Variants in LRRC14 observed in about 807,000 individuals in gnomAD.
LRRC14 encodes leucine rich repeat containing 14.
A neutral mutation model predicts 25.3 loss-of-function variants in LRRC14; 16 were observed. The observed-to-expected ratio is 0.63, with a 90% CI of 0.43 to 0.96. The LOEUF is 0.96. Ranked by LOEUF, LRRC14 falls within the 40% of genes least tolerant of loss-of-function variation. The pLI is 0.00. For synonymous variants in LRRC14, 359 were observed against 295.1 expected (o/e 1.22, Z -2.22); for missense variants, 594 against 660.5 (o/e 0.90, Z 1.10).
rs749750927 is a variant in LRRC14 at position 144,522,816 on chromosome 8, C to T, written c.*1338C>T. On this transcript the variant is annotated 3_prime_UTR_variant, in exon 4 of 4. Transcript: ENST00000292524. Reference sequence around the variant, plus strand: ...GCCGCAATGGCCGTCTGTGTGGCCACGCCCAGGGCGCGGAAGGCCATGCTG... The same window carrying T: ...GCCGCAATGGCCGTCTGTGTGGCCATGCCCAGGGCGCGGAAGGCCATGCTG... The T allele has an allele frequency of 3.6e-5, 53 of 1,492,932 alleles. No individual in the cohort carries two copies. In the South Asian group the frequency reaches 6.3e-4, roughly 18 times the overall value. 92.5% of individuals were successfully genotyped at this position (1,492,932 alleles called of 1,614,324 possible). A position where few individuals can be genotyped will look rare whatever the true frequency, so the allele number is the denominator to read the frequency against.
rs1816293633 is a variant in LRRC14, at chr8:144,524,738, G to A, written c.*3260G>A. 1.4e-6 allele frequency: 2 copies of A among 1,441,584 alleles called. No individual in the cohort carries two copies. The highest frequency in any genetic ancestry group is 5.2e-5 in the East Asian group (2 of 38,380). 89.3% of individuals were successfully genotyped at this position (1,441,584 alleles called of 1,614,324 possible). The stretch of plus-strand genomic sequence containing the variant: ...ACAGTGTCTGCAGGCCGGGGAAAGA[G>A]GAGGCGCTTACCCCGTTGCGGGGGT... On this transcript the variant is annotated 3_prime_UTR_variant, in exon 4 of 4. Transcript: ENST00000292524.
Position 144,522,600 on chromosome 8 carries a change from TGAC to T in LRRC14, c.*1125_*1127del. ...GCGAAGAGCGGCTTGGAGCGGTTGA[TGAC>T]GAACATCTCGTGGCCGCGCTCGTCG... On this transcript the variant is annotated 3_prime_UTR_variant, in exon 4 of 4. Coordinates refer to ENST00000292524, the MANE Select transcript of LRRC14 (RefSeq NM_014665.4). The T allele has an allele frequency of 1.3e-6, 2 of 1,568,184 alleles. No homozygotes were observed. The highest frequency in any genetic ancestry group is 1.7e-6 in the Non-Finnish European group (2 of 1,159,836).
At position 144,523,104 on chromosome 8, in the gene LRRC14, G is replaced by T; in HGVS notation, c.*1626G>T. 6.2e-7 allele frequency: 1 copy of T among 1,609,152 alleles called. No homozygotes were observed. Among genetic ancestry groups the T allele is most frequent in the Non-Finnish European group, 8.5e-7 (1 of 1,179,508 alleles). ...CCGCCTTCTAGCTGGGCCTGGGCTC[G>T]CGGCCGGCCCTCGCGAGGCTGGGGC... On this transcript the variant is annotated 3_prime_UTR_variant, in exon 4 of 4. Transcript: ENST00000292524.
Position 144,524,549 on chromosome 8 carries a change from C to G in LRRC14, c.*3071C>G. 1 of 1,579,834 alleles carries G rather than the reference C, an allele frequency of 6.3e-7. No homozygotes were observed. Among genetic ancestry groups the G allele is most frequent in the Non-Finnish European group, 8.5e-7 (1 of 1,171,286 alleles). On this transcript the variant is annotated 3_prime_UTR_variant, in exon 4 of 4. Coordinates refer to ENST00000292524, the MANE Select transcript of LRRC14 (RefSeq NM_014665.4). ...CGAAGGCGCCGCTGCGCAAGCCGCG[C>G]AGCCGGTTGCTAGTGAGCGCCAGCT... is the stretch of plus-strand genomic sequence containing the variant.
Position 144,524,633 on chromosome 8 carries a change from G to A in LRRC14, c.*3155G>A, listed in dbSNP as rs926639009. 1 of 1,521,152 alleles carries A rather than the reference G, an allele frequency of 6.6e-7. No individual in the cohort carries two copies. Among genetic ancestry groups the A allele is most frequent in the Non-Finnish European group, 8.8e-7 (1 of 1,142,560 alleles). 94.2% of individuals were successfully genotyped at this position (1,521,152 alleles called of 1,614,324 possible). On this transcript the variant is annotated 3_prime_UTR_variant, in exon 4 of 4. Coordinates refer to ENST00000292524, the MANE Select transcript of LRRC14 (RefSeq NM_014665.4). Reference sequence around the variant, plus strand: ...CCTCCAGGGCGCGCAGGCTGTTGTTGTGCAGGTAGAGCCGGCGCAGAGCGG... The same window carrying A: ...CCTCCAGGGCGCGCAGGCTGTTGTTATGCAGGTAGAGCCGGCGCAGAGCGG...
In LRRC14 at chr8:144,520,928, T is replaced by G. The variant is rs1415089268; in HGVS notation, c.932T>G (p.Leu311Arg). 2 of 1,611,468 alleles carry G rather than the reference T, an allele frequency of 1.2e-6. No homozygotes were observed. The highest frequency in any genetic ancestry group is 1.7e-6 in the Non-Finnish European group (2 of 1,179,798). The change falls in exon 4 of 4, where the codon CTG (leucine) becomes CGG (arginine). Residue 311 changes from leucine to arginine, a missense_variant. Physicochemically the swap from Leu to Arg is moderately radical, Grantham distance 102. Coordinates refer to ENST00000292524, the MANE Select transcript of LRRC14 (RefSeq NM_014665.4). ...DQLLSTLQSP[L>R]ESLELAFCAL... ...CCCTGTAGCACCCTGCAGAGCCCCC[T>G]GGAGAGCCTGGAGTTGGCCTTCTGT...
rs1363872855 is a variant in LRRC14, at chr8:144,524,773, C to T, written c.*3295C>T. The T allele has an allele frequency of 9.1e-6, 13 of 1,435,772 alleles. No homozygotes were observed. The highest frequency in any genetic ancestry group is 2.8e-5 in the Admixed American group (1 of 35,706). 88.9% of individuals were successfully genotyped at this position (1,435,772 alleles called of 1,614,324 possible). ...ACCCCGTTGCGGGGGTCTTCCTCTC[C>T]CTGGGGGCACCCCGTCCTCCCGCAG... On this transcript the variant is annotated 3_prime_UTR_variant, in exon 4 of 4. Transcript: ENST00000292524.
In LRRC14 at chr8:144,524,420, C is replaced by T. The variant is rs371184558; in HGVS notation, c.*2942C>T. 3.1e-6 allele frequency: 5 copies of T among 1,597,130 alleles called. No homozygotes were observed. The highest frequency in any genetic ancestry group is 3.4e-6 in the Non-Finnish European group (4 of 1,179,500). ...GGGGCCATAATGGAGTATCCCGCCC[C>T]TTTAGACCCCAGGCGCTCACCGGCA... On this transcript the variant is annotated 3_prime_UTR_variant, in exon 4 of 4. Coordinates refer to ENST00000292524, the MANE Select transcript of LRRC14 (RefSeq NM_014665.4).
Position 144,521,155 on chromosome 8 carries a change from C to T in LRRC14, c.1159C>T (p.Pro387Ser). 1 of 1,613,166 alleles carries T rather than the reference C, an allele frequency of 6.2e-7. No individual in the cohort carries two copies. Among genetic ancestry groups the T allele is most frequent in the East Asian group, 2.2e-5 (1 of 44,894 alleles). ...AGACACCCAGCTGTTGGCCACACTACCCATCCTGACTCAGTGCGCCAGTCT... is the reference window on the plus strand; with the variant it reads ...AGACACCCAGCTGTTGGCCACACTATCCATCCTGACTCAGTGCGCCAGTCT... The part of the protein sequence containing the change: ...LADTQLLATL[P>S]ILTQCASLRY... The change falls in exon 4 of 4, where the codon CCC becomes TCC. Residue 387 changes from proline to serine, a missense_variant. Physicochemically the swap from Pro to Ser is moderately conservative, Grantham distance 74. Coordinates refer to ENST00000292524, the MANE Select transcript of LRRC14 (RefSeq NM_014665.4).
rs148546122 is a variant in LRRC14, at chr8:144,523,047, C to T, written c.*1569C>T. On this transcript the variant is annotated 3_prime_UTR_variant, in exon 4 of 4. Transcript: ENST00000292524. Reference sequence around the variant, plus strand: ...AGGAAGAGCATGCCGCTGCCCGTGTCGGATGCCGAGTGTCCGCCCAGGCCC... The same window carrying T: ...AGGAAGAGCATGCCGCTGCCCGTGTTGGATGCCGAGTGTCCGCCCAGGCCC... The T allele has an allele frequency of 6.9e-6, 11 of 1,602,886 alleles. No individual in the cohort carries two copies. Among genetic ancestry groups the T allele is most frequent in the Non-Finnish European group, 3.4e-6 (4 of 1,176,548 alleles).
At position 144,520,290 on chromosome 8, in the gene LRRC14, G is replaced by A; in HGVS notation, c.382G>A (p.Glu128Lys). 1.2e-6 allele frequency: 2 copies of A among 1,611,920 alleles called. No homozygotes were observed. Among genetic ancestry groups the A allele is most frequent in the Non-Finnish European group, 1.7e-6 (2 of 1,179,982 alleles). ...GACGGGCCTCTTGGATGATGGTGTGGAACAGGATCCTGGCACCATGAGCAT... is the reference window on the plus strand; with the variant it reads ...GACGGGCCTCTTGGATGATGGTGTGAAACAGGATCCTGGCACCATGAGCAT... ...DMTGLLDDGV[E>K]QDPGTMSMWD... is the part of the protein sequence containing the mutation. The change falls in exon 3 of 4, where the codon GAA (glutamate) becomes AAA (lysine). Residue 128 changes from glutamate (E) to lysine (K), a missense_variant. Glu to Lys is a moderately conservative substitution (Grantham distance 56). Coordinates refer to ENST00000292524, the MANE Select transcript of LRRC14 (RefSeq NM_014665.4).
At position 144,521,442 on chromosome 8, in the gene LRRC14, C is replaced by T; in HGVS notation, c.1446C>T (p.Ile482=). 1 of 1,606,402 alleles carries T rather than the reference C, an allele frequency of 6.2e-7. No individual in the cohort carries two copies. Among genetic ancestry groups the T allele is most frequent in the Non-Finnish European group, 8.5e-7 (1 of 1,179,410 alleles). The change falls in exon 4 of 4, where the codon ATC becomes ATT. Residue 482 remains isoleucine (I), a synonymous_variant. Coordinates refer to ENST00000292524, the MANE Select transcript of LRRC14 (RefSeq NM_014665.4). ...GRAHVLWTTD[I]YGRLAADYFS... is the part of the protein sequence containing the mutation. ...CCCATGTGCTCTGGACCACGGACAT[C>T]TACGGGCGACTGGCTGCGGACTACT...
chr8:144,521,182 C>T lies in LRRC14; in HGVS notation c.1186C>T (p.Arg396Trp), dbSNP rs374571577. ...LPILTQCASL[R>W]YLGLYGNPLS... ...CATCCTGACTCAGTGCGCCAGTCTC[C>T]GGTACCTTGGCCTCTATGGCAACCC... is the stretch of plus-strand genomic sequence containing the variant. Residue 396 changes from arginine to tryptophan, a missense_variant, in exon 4 of 4, where the codon CGG (arginine) becomes TGG (tryptophan). By Grantham distance (101) the Arg-to-Trp change is moderately radical. Transcript: ENST00000292524. 6.2e-6 allele frequency: 10 copies of T among 1,613,274 alleles called. No individual in the cohort carries two copies. The highest frequency in any genetic ancestry group is 2.2e-5 in the South Asian group (2 of 91,088).
In LRRC14 at chr8:144,519,670, TCTC is replaced by T; in HGVS notation, c.-51_-49del. 1 of 1,486,566 alleles carries T rather than the reference TCTC, an allele frequency of 6.7e-7. No homozygotes were observed. Among genetic ancestry groups the T allele is most frequent in the East Asian group, 2.4e-5 (1 of 40,884 alleles). 92.1% of individuals were successfully genotyped at this position (1,486,566 alleles called of 1,614,324 possible). Reference sequence around the variant, plus strand: ...TGTGGCTTGGTAGTGGCCTAGGGTCTCTCCTCCCTGCTGAAGTCCCTCTCCTGC... The same window carrying T: ...TGTGGCTTGGTAGTGGCCTAGGGTCTCTCCCTGCTGAAGTCCCTCTCCTGC... On this transcript the variant is annotated 5_prime_UTR_variant, in exon 2 of 4. Coordinates refer to ENST00000292524, the MANE Select transcript of LRRC14 (RefSeq NM_014665.4).
Position 144,520,821 on chromosome 8 carries a change from A to G in LRRC14, c.913A>G (p.Ser305Gly), listed in dbSNP as rs1221191133. The G allele has an allele frequency of 6.3e-7, 1 of 1,595,866 alleles. No homozygotes were observed. Among genetic ancestry groups the G allele is most frequent in the African/African-American group, 1.3e-5 (1 of 74,872 alleles). Residue 305 changes from serine (S) to glycine (G), a missense_variant and splice_region_variant, in exon 3 of 4, where the codon AGC (serine) becomes GGC (glycine). Ser to Gly is a moderately conservative substitution (Grantham distance 56). Coordinates refer to ENST00000292524, the MANE Select transcript of LRRC14 (RefSeq NM_014665.4). ...TTCAGGGAGGCTGGACCAGCTGCTCAGGTGAGCGGGCCCCACCACTGCCCT... is the reference window on the plus strand; with the variant it reads ...TTCAGGGAGGCTGGACCAGCTGCTCGGGTGAGCGGGCCCCACCACTGCCCT... ...LLSGRLDQLLSTLQSPLESLE... is the reference protein window; with the variant it reads ...LLSGRLDQLLGTLQSPLESLE...
chr8:144,524,586 G>C lies in LRRC14; in HGVS notation c.*3108G>C. Reference sequence around the variant, plus strand: ...AGTGAGCGCCAGCTCCAGCAGGCGCGGCTGCGCGCGGAAGGCGCCGGCCTC... The same window carrying C: ...AGTGAGCGCCAGCTCCAGCAGGCGCCGCTGCGCGCGGAAGGCGCCGGCCTC... On this transcript the variant is annotated 3_prime_UTR_variant, in exon 4 of 4. Coordinates refer to ENST00000292524, the MANE Select transcript of LRRC14 (RefSeq NM_014665.4). 1 of 1,537,400 alleles carries C rather than the reference G, an allele frequency of 6.5e-7. No homozygotes were observed. Among genetic ancestry groups the C allele is most frequent in the Non-Finnish European group, 8.7e-7 (1 of 1,151,132 alleles).
In LRRC14 at chr8:144,524,297, A is replaced by G. The variant is rs1451440050; in HGVS notation, c.*2819A>G. On this transcript the variant is annotated 3_prime_UTR_variant, in exon 4 of 4. Coordinates refer to ENST00000292524, the MANE Select transcript of LRRC14 (RefSeq NM_014665.4). ...GCAGTCGCTGAAGTAAGGACAGCAG[A>G]TCGTGAGGAAAAAGGGCGCCGAGGT... 6.2e-7 allele frequency: 1 copy of G among 1,609,456 alleles called. No homozygotes were observed. Among genetic ancestry groups the G allele is most frequent in the South Asian group, 1.1e-5 (1 of 91,076 alleles).
rs1369123967 is a variant in LRRC14, at chr8:144,524,806, C to T, written c.*3328C>T. 26 of 1,449,498 alleles carry T rather than the reference C, an allele frequency of 1.8e-5. No homozygotes were observed. Among genetic ancestry groups the T allele is most frequent in the Non-Finnish European group, 2.3e-5 (25 of 1,103,796 alleles). 89.8% of individuals were successfully genotyped at this position (1,449,498 alleles called of 1,614,324 possible). On this transcript the variant is annotated 3_prime_UTR_variant, in exon 4 of 4. Transcript: ENST00000292524. ...CACCCCGTCCTCCCGCAGCTCCACA[C>T]GGTGCCCACCTGCGTCCCTGGCGGG...
In LRRC14 at chr8:144,524,409, G is replaced by C. The variant is rs557033400; in HGVS notation, c.*2931G>C. 1.3e-6 allele frequency: 2 copies of C among 1,596,016 alleles called. No homozygotes were observed. The highest frequency in any genetic ancestry group is 1.7e-6 in the Non-Finnish European group (2 of 1,178,688). ...CTACAGGGCGAGGGGCCATAATGGA[G>C]TATCCCGCCCCTTTAGACCCCAGGC... On this transcript the variant is annotated 3_prime_UTR_variant, in exon 4 of 4. Coordinates refer to ENST00000292524, the MANE Select transcript of LRRC14 (RefSeq NM_014665.4).
Sources: gnomAD v4.1 joint callset for allele counts on GRCh38, gnomAD v4.1.1 for gene constraint, MANE v1.5 for transcripts, NCBI Gene and HGNC (gene_info 2026-07-23, HGNC 2026-07-21) for gene names.